Variants in CD247 observed in about 807,000 individuals in gnomAD.
CD247 encodes the protein CD247 molecule, also known as T-cell surface glycoprotein CD3 zeta chain.
Under a neutral mutation model 30.0 loss-of-function variants are expected in CD247, and 13 were observed. The observed-to-expected ratio is 0.43, with a 90% CI of 0.28 to 0.69. CD247 has a LOEUF of 0.69. Ranked by LOEUF, CD247 falls within the 30% of genes least tolerant of loss-of-function variation. The probability of loss-of-function intolerance (pLI) is 0.16; values close to 1 mark genes in which losing one functional copy is unlikely to be tolerated. For synonymous variants in CD247, 72 were observed against 80.0 expected, an observed-to-expected ratio of 0.90 and a Z score of 0.53; for missense variants, 193 against 212.6, an observed-to-expected ratio of 0.91 and a Z score of 0.57.
intron 1 of CD247, among the ~76,000 whole-genome samples, chr1:167,469,922 AT>A (rs920453683): frequency 3.3e-5 from 5 of 150,984 alleles, no homozygotes; most frequent in African/African-American, 4.9e-5. Context: ...ATTTTATTTT[AT>A]TTTTTTTGAG....
At chr1:167,446,427 G>A (rs922579963) in intron 1 of CD247, among the ~76,000 whole-genome samples, 1 of 152,170 alleles carries the variant, frequency 6.6e-6, no homozygotes, top group South Asian at 2.1e-4. Context: ...GCTTGTTTTG[G>A]AACAGTTTTC....
intron 1 of CD247, among the ~76,000 whole-genome samples, chr1:167,491,565 C>CT (rs1654451020): frequency 1.2e-5 from 1 of 86,130 alleles, no homozygotes; most frequent in South Asian, 5.2e-4. Context: ...GAAACTCCAT[C>CT]TCAAAAAAAA....
chr1:167,467,580 C>A (rs532612956), intron 1 of CD247, among the ~76,000 whole-genome samples: 1 of 152,346 alleles, frequency 6.6e-6, no homozygotes, highest in African/African-American at 2.4e-5. Flanking sequence ...TGGTGCAGAG[C>A]ACAGCCCTAA....
At chr1:167,500,133 C>G (rs1158790817) in intron 1 of CD247, among the ~76,000 whole-genome samples, 1 of 152,138 alleles carries the variant, frequency 6.6e-6, no homozygotes, top group Admixed American at 6.5e-5. Flanking sequence ...AAACGCTGAA[C>G]CCAACTTATT....
chr1:167,489,590 G>C (rs149538587), intron 1 of CD247, among the ~76,000 whole-genome samples: 1 of 152,170 alleles, frequency 6.6e-6, no homozygotes, highest in Admixed American at 6.5e-5. Context: ...GACATGGGAC[G>C]CAAACCCAGA....
intron 1 of CD247, among the ~76,000 whole-genome samples, chr1:167,460,140 G>A (rs1032272530): frequency 2.0e-5 from 3 of 152,156 alleles, no homozygotes; most frequent in African/African-American, 7.2e-5. Context: ...GGTGGCTCAC[G>A]CCTGTAATCC....
At chr1:167,499,180 T>C (rs1654807580) in intron 1 of CD247, among the ~76,000 whole-genome samples, 2 of 152,196 alleles carry the variant, frequency 1.3e-5, no homozygotes, top group Non-Finnish European at 2.9e-5. Context: ...AAAGATATTT[T>C]GAGTTGTCAC....
chr1:167,491,133 T>C (rs964938454), intron 1 of CD247, among the ~76,000 whole-genome samples: 1 of 152,142 alleles, frequency 6.6e-6, no homozygotes, highest in Non-Finnish European at 1.5e-5. Flanking sequence ...CCTTTACTCG[T>C]TGGAATGGCT....
intron 1 of CD247, among the ~76,000 whole-genome samples, chr1:167,450,645 C>CA (rs1299449000): frequency 6.6e-6 from 1 of 152,128 alleles, no homozygotes; most frequent in African/African-American, 2.4e-5. Flanking sequence ...ATACTGGGAG[C>CA]AGTGGCTCAT....
intron 1 of CD247, among the ~76,000 whole-genome samples, chr1:167,517,132 GC>G (rs1202574051): frequency 6.6e-5 from 10 of 152,212 alleles, no homozygotes. Flanking sequence ...CCCTCACTCT[GC>G]CACACTGTGT....
In CD247 at chr1:167,518,493, G is replaced by A. The variant is rs1167545609; in HGVS notation, c.-28C>T. 2 of 1,609,230 alleles carry A rather than the reference G, an allele frequency of 1.2e-6. No homozygotes were observed. Among genetic ancestry groups the A allele is most frequent in the African/African-American group, 1.3e-5 (1 of 74,994 alleles). ...TGTCCTTTCCCTCAGAAAGAGGCTG[G>A]GAGGCAGAGGCTGAGGCAGCGGTGG... On this transcript the variant is annotated 5_prime_UTR_variant, in exon 1 of 8. Transcript: ENST00000362089.
At position 167,479,335 on chromosome 1, in the gene CD247, G is replaced by A. The variant is rs115529779; in HGVS notation, c.59-38568C>T. On this transcript the variant is annotated intron_variant, in intron 1 of 7. Coordinates refer to ENST00000362089, the MANE Select transcript of CD247 (RefSeq NM_198053.3). The stretch of plus-strand genomic sequence containing the variant: ...TGCATTACTTTGAAAACGGGGAGGA[G>A]TGGGATTAATTGGAAATGAAAATTA... 3.4e-3 allele frequency among the ~76,000 whole-genome samples: 525 copies of A among 152,316 alleles called. 4 individuals carry two copies. The highest frequency in any genetic ancestry group is 0.011 in the African/African-American group (469 of 41,558).
At chr1:167,459,793 G>GTTTTAAA (rs954722234) in intron 1 of CD247, 1 of 152,136 alleles carries the variant, frequency 6.6e-6, no homozygotes, top group African/African-American at 2.4e-5. Context: ...GTAAGTTTAT[G>GTTTTAAA]GTAATATTTC....
At chr1:167,448,476 T>TG in intron 1 of CD247, 1 of 985,418 alleles carries the variant, frequency 1.0e-6, no homozygotes, top group Non-Finnish European at 1.2e-6. Context: ...CATTGAGGGC[T>TG]GAGAGGCCGG....
chr1:167,509,514 T>G (rs1268060834), intron 1 of CD247, among the ~76,000 whole-genome samples: 1 of 152,006 alleles, frequency 6.6e-6, no homozygotes, highest in Admixed American at 6.5e-5. Context: ...ATTAAATGCG[T>G]GTTTGCCTAT....
At chr1:167,485,954 TGGGGAGGG>T in intron 1 of CD247, among the ~76,000 whole-genome samples, 1 of 152,080 alleles carries the variant, frequency 6.6e-6, no homozygotes, top group Non-Finnish European at 1.5e-5. Flanking sequence ...GACTGGAGGC[TGGGGAGGG>T]GAGGGTTAAG....
intron 1 of CD247, among the ~76,000 whole-genome samples, chr1:167,482,459 C>T (rs1486137666): frequency 6.6e-6 from 1 of 152,226 alleles, no homozygotes; most frequent in Non-Finnish European, 1.5e-5. Flanking sequence ...GAGTGAACGT[C>T]TTTCCTCTCT....
rs59196985 is a variant in CD247, at chr1:167,446,157, G to A, written c.59-5390C>T. Among the ~76,000 whole-genome samples, 540 of 152,258 alleles carry A rather than the reference G, an allele frequency of 3.5e-3. 5 individuals carry two copies. The highest frequency in any genetic ancestry group is 0.012 in the African/African-American group (508 of 41,546). ...CAGCTGACCTATGGGCTCAGGATCC[G>A]GAGTTTCCACCTACCTCTGATTTCA... On this transcript the variant is annotated intron_variant, in intron 1 of 7. Coordinates refer to ENST00000362089, the MANE Select transcript of CD247 (RefSeq NM_198053.3).
At chr1:167,508,659 C>T (rs964212107) in intron 1 of CD247, among the ~76,000 whole-genome samples, 2 of 152,142 alleles carry the variant, frequency 1.3e-5, no homozygotes, top group Non-Finnish European at 2.9e-5. Context: ...AGATTTCTCT[C>T]GACTCTGTGG....
Sources: allele counts gnomAD v4.1 joint callset (sites outside exome capture counted in the v4.1 genomes callset), GRCh38; gene constraint gnomAD v4.1.1; transcripts MANE v1.5; gene names NCBI Gene and HGNC (gene_info 2026-07-23, HGNC 2026-07-21).